Variants in GSE1 observed in about 807,000 individuals in gnomAD.
GSE1 encodes genetic suppressor element 1.
GSE1 carries 32 observed loss-of-function variants against 112.6 expected under a neutral mutation model. That is an observed-to-expected ratio of 0.28 (90% CI 0.21 to 0.38). The LOEUF (loss-of-function observed/expected upper bound fraction) is 0.38. Among genes scored for constraint, GSE1 ranks in the 10% least tolerant of loss-of-function variants. The probability of loss-of-function intolerance (pLI) is 1.00; values close to 1 mark genes in which losing one functional copy is unlikely to be tolerated. For missense variants in GSE1, 2,348 were observed against 1,699.2 expected (o/e 1.38, Z -6.71); for synonymous variants, 1,115 against 735.6 (o/e 1.52, Z -8.35).
chr16:85,449,345 G>A (rs889279824), intron 2 of GSE1, among the ~76,000 whole-genome samples: 1 of 152,212 alleles, frequency 6.6e-6, no homozygotes, highest in African/African-American at 2.4e-5. Context: ...GAAAAACAAA[G>A]CCAAGGGATG....
intron 5 of GSE1, among the ~76,000 whole-genome samples, 184 bp downstream of exon 5, chr16:85,655,175 C>G (rs2051812919): frequency 6.6e-6 from 1 of 152,196 alleles, no homozygotes. Context: ...TTAGGGGTCC[C>G]CTCCTGGTAG....
chr16:85,418,334 T>G (rs532711212), intron 2 of GSE1, among the ~76,000 whole-genome samples: 7 of 152,258 alleles, frequency 4.6e-5, no homozygotes, highest in African/African-American at 1.7e-4. Flanking sequence ...GACCCCAGGG[T>G]CGCCCCAGGC....
At chr16:85,461,527 G>A (rs2049967558) in intron 2 of GSE1, among the ~76,000 whole-genome samples, 1 of 152,136 alleles carries the variant, frequency 6.6e-6, no homozygotes, top group African/African-American at 2.4e-5. Context: ...GGGGCGCTGT[G>A]GTTTAAAAGC....
chr16:85,308,945 A>T (rs1046174373), intron 1 of GSE1, among the ~76,000 whole-genome samples: 1 of 149,880 alleles, frequency 6.7e-6, no homozygotes, highest in African/African-American at 2.5e-5. Flanking sequence ...AGAAGCGCAG[A>T]TGCACGGGAG....
At chr16:85,331,185 C>G (rs776458668) in intron 1 of GSE1, among the ~76,000 whole-genome samples, 5 of 150,096 alleles carry the variant, frequency 3.3e-5, no homozygotes, top group Non-Finnish European at 7.4e-5. Context: ...CCGACTCTCA[C>G]TGTGTCACCC....
chr16:85,215,981 C>G (rs1387028191), intron 1 of GSE1, among the ~76,000 whole-genome samples: 1 of 152,190 alleles, frequency 6.6e-6, no homozygotes, highest in Non-Finnish European at 1.5e-5. Context: ...AGGGGTGGGC[C>G]AGAGACATAC....
At chr16:85,222,544 ATAGC>A (rs1331765314) in intron 1 of GSE1, among the ~76,000 whole-genome samples, 6 of 152,194 alleles carry the variant, frequency 3.9e-5, no homozygotes, top group African/African-American at 1.2e-4. Flanking sequence ...CAGGAGGCTG[ATAGC>A]TATTTTTCAC....
chr16:85,243,496 C>T (rs1004021568), intron 1 of GSE1, among the ~76,000 whole-genome samples: 3 of 152,184 alleles, frequency 2.0e-5, no homozygotes, highest in Non-Finnish European at 4.4e-5. Flanking sequence ...TGCTTGCTGC[C>T]GGGTGCACGC....
chr16:85,329,714 C>A (rs1039834849), intron 1 of GSE1, among the ~76,000 whole-genome samples: 2 of 152,018 alleles, frequency 1.3e-5, no homozygotes, highest in Non-Finnish European at 2.9e-5. Flanking sequence ...TTATTAAAGG[C>A]TCCGCGCAGG....
At chr16:85,544,887 G>A (rs1232468855) in intron 2 of GSE1, among the ~76,000 whole-genome samples, 5 of 152,244 alleles carry the variant, frequency 3.3e-5, no homozygotes, top group Admixed American at 6.5e-5. Context: ...ACCGCGGCCG[G>A]AGCAGGATGT....
intron 1 of GSE1, among the ~76,000 whole-genome samples, chr16:85,574,243 GC>G (rs1353981881): frequency 1.3e-5 from 2 of 152,192 alleles, no homozygotes; most frequent in Non-Finnish European, 2.9e-5. Context: ...TCCATAGCAG[GC>G]CCCCAGAATG....
intron 1 of GSE1, among the ~76,000 whole-genome samples, chr16:85,556,758 C>CG (rs971372414): frequency 6.9e-6 from 1 of 144,970 alleles, no homozygotes; most frequent in Non-Finnish European, 1.6e-5. Flanking sequence ...TGCCCCCCCC[C>CG]CCCCCAGTCC....
At chr16:85,422,434 G>C (rs926334831) in intron 2 of GSE1, among the ~76,000 whole-genome samples, 1 of 152,136 alleles carries the variant, frequency 6.6e-6, no homozygotes, top group East Asian at 1.9e-4. Flanking sequence ...GAGGCCTGGT[G>C]GATGGGAGAA....
intron 2 of GSE1, among the ~76,000 whole-genome samples, chr16:85,363,413 C>T (rs1384582956): frequency 6.6e-6 from 1 of 152,188 alleles, no homozygotes; most frequent in Non-Finnish European, 1.5e-5. Context: ...TTGCTCCAGG[C>T]TTTGGGGAAC....
chr16:85,616,939 A>T (rs2048407546), intron 1 of GSE1, among the ~76,000 whole-genome samples: 1 of 152,126 alleles, frequency 6.6e-6, no homozygotes. Flanking sequence ...AGCCCTTTGC[A>T]TGCCTGCCAA....
Position 85,171,282 on chromosome 16 carries a change from G to A in GSE1, c.1758G>A (p.Gln586=), listed in dbSNP as rs977242010. ...TCTCCGAGCTGCCGGCGTCGGCCCAGGGCGGCCCCGTGTCCATCTGCTACA... is the reference window on the plus strand; with the variant it reads ...TCTCCGAGCTGCCGGCGTCGGCCCAAGGCGGCCCCGTGTCCATCTGCTACA... Residue 586 remains glutamine (Q), a synonymous_variant, in exon 1 of 3, where the codon CAG becomes CAA. Coordinates refer to the GSE1 transcript ENST00000637419. 36 of 985,498 alleles carry A rather than the reference G, an allele frequency of 3.7e-5. No individual in the cohort carries two copies. The African/African-American group carries it at 5.8e-4, about 16-fold the overall frequency. The allele number at this position is 985,498 out of a possible 1,614,324, so 61.0% of individuals were successfully genotyped here.
intron 1 of GSE1, among the ~76,000 whole-genome samples, chr16:85,225,672 A>T (rs1395054810): frequency 6.6e-6 from 1 of 152,162 alleles, no homozygotes; most frequent in East Asian, 1.9e-4. Context: ...GGCCATTCTG[A>T]CACCACTCTG....
intron 13 of GSE1, among the ~76,000 whole-genome samples, chr16:85,667,778 G>C (rs1319913201): frequency 6.6e-6 from 1 of 152,198 alleles, no homozygotes. Flanking sequence ...AGAATTGCTT[G>C]AACCTGGGAG....
chr16:85,257,141 CA>C (rs1423480666), intron 1 of GSE1, among the ~76,000 whole-genome samples: 21 of 152,218 alleles, frequency 1.4e-4, no homozygotes, highest in South Asian at 8.3e-4. Context: ...TTTTTTGAGA[CA>C]GGGTCACCCA....
Sources: gnomAD v4.1 joint callset for allele counts (sites outside exome capture counted in the v4.1 genomes callset) on GRCh38, gnomAD v4.1.1 for gene constraint, MANE v1.5 for transcripts, NCBI Gene and HGNC (gene_info 2026-07-23, HGNC 2026-07-21) for gene names.